TCF12: variants seen among roughly 807,000 people sequenced by gnomAD.
TCF12 encodes the protein transcription factor 12.
Under a neutral mutation model 86.0 loss-of-function variants are expected in TCF12, and 45 were observed. The observed-to-expected ratio is 0.52, with a 90% CI of 0.41 to 0.67. The LOEUF (loss-of-function observed/expected upper bound fraction) is 0.67, where lower values mean the gene tolerates loss of function less well. Ranked by LOEUF, TCF12 falls within the 30% of genes least tolerant of loss-of-function variation. TCF12 has a pLI of 0.00. For synonymous variants in TCF12, 330 were observed against 299.6 expected (o/e 1.10, Z -1.05); for missense variants, 881 against 859.9 (o/e 1.02, Z -0.31).
At chr15:57,131,898 G>A (rs1784508546) in intron 5 of TCF12, among the ~76,000 whole-genome samples, 1 of 152,170 alleles carries the variant, frequency 6.6e-6, no homozygotes, top group South Asian at 2.1e-4. Flanking sequence ...TCTAGTCTAA[G>A]ATTTGGAAAA....
chr15:57,120,678 C>T (rs964835704), intron 5 of TCF12, among the ~76,000 whole-genome samples: 2 of 152,178 alleles, frequency 1.3e-5, no homozygotes, highest in Non-Finnish European at 2.9e-5. Flanking sequence ...TCTAATTTTA[C>T]ATATGGGACC....
intron 3 of TCF12, among the ~76,000 whole-genome samples, chr15:56,967,283 G>A (rs2062051722): frequency 6.6e-6 from 1 of 151,554 alleles, no homozygotes; most frequent in Non-Finnish European, 1.5e-5. Context: ...CTGGTGTGAA[G>A]TAATTTTTCT....
At position 57,234,016 on chromosome 15, in the gene TCF12, T is replaced by C. The variant is rs755332395; in HGVS notation, c.971-27T>C. 5 of 1,598,204 alleles carry C rather than the reference T, an allele frequency of 3.1e-6. No individual in the cohort carries two copies. In the African/African-American group the frequency reaches 6.7e-5, roughly 21 times the overall value. ...ATATAATACTTGCTTGTAAAATTCT[T>C]GATTTATTTCTCTATGAAATATCCA... On this transcript the variant is annotated intron_variant, in intron 11 of 20. Transcript: ENST00000333725.
intron 4 of TCF12, among the ~76,000 whole-genome samples, chr15:57,065,019 A>G (rs2068757166): frequency 6.6e-6 from 1 of 152,184 alleles, no homozygotes; most frequent in Admixed American, 6.5e-5. Flanking sequence ...TTGCATTGAA[A>G]AATGCTGAGT....
At chr15:56,924,900 G>T (rs2059936516) in intron 3 of TCF12, among the ~76,000 whole-genome samples, 1 of 152,108 alleles carries the variant, frequency 6.6e-6, no homozygotes, top group African/African-American at 2.4e-5. Context: ...GACAATTCCT[G>T]AACAATTGAA....
chr15:57,282,180 A>G (rs540877042), intron 19 of TCF12: 2 of 467,568 alleles, frequency 4.3e-6, no homozygotes, highest in South Asian at 2.2e-5. Flanking sequence ...GTTTGAGTGA[A>G]GAGTAGCATT....
rs761183168 is a variant in TCF12 at position 57,063,745 on chromosome 15, T to C, written c.149-5T>C. ...GATATATCTTTTATTTTCTTCTCTT[T>C]TTAGGTATTGATGAAAGAGGAGGTA... On this transcript the variant is annotated splice_polypyrimidine_tract_variant and splice_region_variant and intron_variant, in intron 3 of 20. Transcript: ENST00000333725. 1.9e-6 allele frequency: 3 copies of C among 1,598,804 alleles called. No individual in the cohort carries two copies. The East Asian group carries it at 6.7e-5, about 36-fold the overall frequency.
At chr15:57,104,393 C>T (rs941586178) in intron 5 of TCF12, among the ~76,000 whole-genome samples, 1 of 150,042 alleles carries the variant, frequency 6.7e-6, no homozygotes, top group African/African-American at 2.4e-5. Flanking sequence ...GATTCTTCAG[C>T]AGGATTCCCT....
chr15:57,206,108 T>C (rs183773019), intron 8 of TCF12, among the ~76,000 whole-genome samples: 260 of 152,344 alleles, frequency 1.7e-3, no homozygotes, highest in African/African-American at 6.1e-3. Context: ...TTGTAACTCA[T>C]ATGGTTTTTA....
intron 16 of TCF12, among the ~76,000 whole-genome samples, chr15:57,261,150 A>G (rs2060568537): frequency 6.6e-6 from 1 of 152,196 alleles, no homozygotes; most frequent in Non-Finnish European, 1.5e-5. Flanking sequence ...ATGCTCAGCA[A>G]TGACCAATCC....
At chr15:57,170,645 A>G (rs1317756769) in intron 6 of TCF12, among the ~76,000 whole-genome samples, 1 of 50,532 alleles carries the variant, frequency 2.0e-5, no homozygotes, top group Non-Finnish European at 3.7e-5. Context: ...TATATATAAT[A>G]TATATATTAT....
chr15:57,090,769 G>A (rs369367391), intron 4 of TCF12, among the ~76,000 whole-genome samples: 2 of 152,132 alleles, frequency 1.3e-5, no homozygotes, highest in Non-Finnish European at 2.9e-5. Flanking sequence ...CTTGGGCTTC[G>A]TATACGTTTT....
At chr15:57,137,393 T>A (rs532399981) in intron 5 of TCF12, among the ~76,000 whole-genome samples, 350 of 152,322 alleles carry the variant, frequency 2.3e-3, no homozygotes, top group African/African-American at 8.1e-3. Flanking sequence ...AATAATGAAA[T>A]TTTTTTCCAC....
intron 19 of TCF12, among the ~76,000 whole-genome samples, chr15:57,277,609 C>T (rs760196614): frequency 3.0e-5 from 4 of 131,540 alleles, no homozygotes; most frequent in Non-Finnish European, 4.7e-5. Context: ...AGCCTGGCGA[C>T]AGAGTGAGAC....
In TCF12 at chr15:57,063,750, G is replaced by A. The variant is rs764567770; in HGVS notation, c.149G>A (p.Gly50Asp). 3.7e-6 allele frequency: 6 copies of A among 1,600,758 alleles called. No homozygotes were observed. The highest frequency in any genetic ancestry group is 2.2e-5 in the South Asian group (2 of 89,552). The change falls in exon 4 of 21, where the codon GGT becomes GAT. Residue 50 changes from glycine (G) to aspartate (D), a missense_variant and splice_region_variant. Physicochemically the swap from Gly to Asp is moderately conservative, Grantham distance 94. Around this residue, in one of 3 missense-constraint regions of TCF12, gnomAD observed 766 missense variants for 718.9 expected, o/e 1.07. Transcript: ENST00000333725. ...ATCTTTTATTTTCTTCTCTTTTTAG[G>A]TATTGATGAAAGAGGAGGTACAACA... ...TLGSSQFSGS[G>D]IDERGGTTSW...
At chr15:57,247,140 C>T in intron 13 of TCF12, 1 of 562,540 alleles carries the variant, frequency 1.8e-6, no homozygotes, top group Non-Finnish European at 3.4e-6. Flanking sequence ...TCCTCCTTCA[C>T]TCCACCGTCA....
In TCF12 at chr15:57,264,016, A is replaced by G. The variant is rs1340571730; in HGVS notation, c.1745+742A>G. 3.3e-5 allele frequency among the ~76,000 whole-genome samples: 5 copies of G among 152,196 alleles called. No individual in the cohort carries two copies. The South Asian group carries it at 6.2e-4, about 19-fold the overall frequency. On this transcript the variant is annotated intron_variant, in intron 18 of 20. Transcript: ENST00000333725. ...TTTACAGACACTGTACATTTAGGCTATATTTCATTTATTAAAAAATATTTT... is the reference window on the plus strand; with the variant it reads ...TTTACAGACACTGTACATTTAGGCTGTATTTCATTTATTAAAAAATATTTT...
intron 3 of TCF12, among the ~76,000 whole-genome samples, chr15:56,982,737 A>T (rs2062954914): frequency 6.6e-6 from 1 of 152,302 alleles, no homozygotes; most frequent in East Asian, 1.9e-4. Context: ...TAGTGATTTA[A>T]ATTGGTTTAA....
chr15:56,954,327 C>T (rs1364585852), intron 3 of TCF12, among the ~76,000 whole-genome samples: 1 of 152,064 alleles, frequency 6.6e-6, no homozygotes, highest in Non-Finnish European at 1.5e-5. Context: ...GGAAAGGATT[C>T]CCTGTTTAAT....
Sources: allele counts gnomAD v4.1 joint callset (sites outside exome capture counted in the v4.1 genomes callset), GRCh38; gene constraint gnomAD v4.1.1; regional missense constraint gnomAD v4.1.1; transcripts MANE v1.5; gene names NCBI Gene and HGNC (gene_info 2026-07-23, HGNC 2026-07-21).